Variants in ST8SIA1 observed in about 807,000 individuals in gnomAD.
The protein encoded by ST8SIA1 is ST8 alpha-N-acetyl-neuraminide alpha-2,8-sialyltransferase 1.
Under a neutral mutation model 35.9 loss-of-function variants are expected in ST8SIA1, and 16 were observed. The ratio of observed to expected loss-of-function variants is 0.45; its 90% CI spans 0.30 to 0.68. ST8SIA1 has a LOEUF of 0.68. Among genes scored for constraint, ST8SIA1 ranks in the 30% least tolerant of loss-of-function variants. ST8SIA1 has a pLI of 0.09. For synonymous variants in ST8SIA1, 170 were observed against 169.6 expected (o/e 1.00, Z -0.02); for missense variants, 383 against 453.6 (o/e 0.84, Z 1.41).
At chr12:22,208,388 T>C (rs1288474171) in intron 4 of ST8SIA1, among the ~76,000 whole-genome samples, 2 of 152,058 alleles carry the variant, frequency 1.3e-5, no homozygotes, top group East Asian at 1.9e-4. Flanking sequence ...TTGGAACCAA[T>C]AGAGTCTTAG....
At chr12:22,219,969 A>G (rs1865280025) in intron 4 of ST8SIA1, among the ~76,000 whole-genome samples, 1 of 152,228 alleles carries the variant, frequency 6.6e-6, no homozygotes, top group Admixed American at 6.5e-5. Flanking sequence ...GTACCAGAGT[A>G]TCATAACACT....
intron 4 of ST8SIA1, among the ~76,000 whole-genome samples, chr12:22,237,522 T>C (rs1865489135): frequency 6.6e-6 from 1 of 151,270 alleles, no homozygotes; most frequent in South Asian, 2.1e-4. Flanking sequence ...ATTTTATATA[T>C]TTACACATTT....
rs138331297 is a variant in ST8SIA1, at chr12:22,303,320, CT to C, written c.237-16028del. On this transcript the variant is annotated intron_variant, in intron 1 of 4. Coordinates refer to ENST00000396037, the MANE Select transcript of ST8SIA1 (RefSeq NM_003034.4). ...TAAAGTTTATATTGCCATACAACTC[CT>C]TTTTTTTTTTGGAATTTGGCTTGCT... 2.8e-3 allele frequency among the ~76,000 whole-genome samples: 414 copies of C among 146,936 alleles called. 1 individual carries two copies. Among genetic ancestry groups the C allele is most frequent in the Non-Finnish European group, 4.2e-3 (279 of 66,164 alleles).
At chr12:22,241,131 C>A (rs1865536478) in intron 4 of ST8SIA1, among the ~76,000 whole-genome samples, 2 of 152,016 alleles carry the variant, frequency 1.3e-5, no homozygotes, top group Non-Finnish European at 2.9e-5. Flanking sequence ...GTACCTGGGA[C>A]TACCAGAACA....
At chr12:22,244,043 T>C (rs937789376) in intron 4 of ST8SIA1, among the ~76,000 whole-genome samples, 11 of 144,686 alleles carry the variant, frequency 7.6e-5, no homozygotes, top group African/African-American at 1.5e-4. Context: ...AAAAAAAAAA[T>C]GTTTTTATCA....
At chr12:22,302,557 T>C (rs1456333395) in intron 1 of ST8SIA1, among the ~76,000 whole-genome samples, 2 of 152,156 alleles carry the variant, frequency 1.3e-5, no homozygotes, top group African/African-American at 4.8e-5. Flanking sequence ...CCTACCTATA[T>C]AGGAATAAAC....
intron 4 of ST8SIA1, among the ~76,000 whole-genome samples, chr12:22,237,043 CTCACAGG>C (rs1367168522): frequency 6.6e-6 from 1 of 152,194 alleles, no homozygotes; most frequent in Non-Finnish European, 1.5e-5. Context: ...GCCCCTCCAA[CTCACAGG>C]GCTGTGGTAT....
chr12:22,325,283 C>T (rs763723509), intron 1 of ST8SIA1: 16 of 579,068 alleles, frequency 2.8e-5, no homozygotes, highest in South Asian at 1.8e-4. Flanking sequence ...TGTAGTGGGA[C>T]GAAAGGCCCT....
chr12:22,249,909 C>T (rs1490273852), intron 3 of ST8SIA1, among the ~76,000 whole-genome samples: 2 of 152,120 alleles, frequency 1.3e-5, no homozygotes, highest in African/African-American at 2.4e-5. Flanking sequence ...TATAAGAGTG[C>T]ATTCAGGGCC....
intron 1 of ST8SIA1, among the ~76,000 whole-genome samples, chr12:22,310,621 CA>C (rs1157877978): frequency 2.0e-5 from 3 of 152,004 alleles, no homozygotes; most frequent in Admixed American, 1.3e-4. Flanking sequence ...ATGTTTAAGG[CA>C]AATACAAGTG....
At chr12:22,326,054 T>C (rs1382809651) in intron 1 of ST8SIA1, 1 of 454,534 alleles carries the variant, frequency 2.2e-6, no homozygotes, top group Non-Finnish European at 3.9e-6. Context: ...GGAATTTCCA[T>C]TTAATATTTT....
At chr12:22,267,221 A>G (rs1370048897) in intron 2 of ST8SIA1, among the ~76,000 whole-genome samples, 1 of 152,202 alleles carries the variant, frequency 6.6e-6, no homozygotes, top group South Asian at 2.1e-4. Context: ...ATAGTGTGCA[A>G]TTACTTAGTA....
At position 22,199,101 on chromosome 12, in the gene ST8SIA1, C is replaced by T. The variant is rs976151294; in HGVS notation, c.*2451G>A. 1 of 152,034 alleles carries T rather than the reference C, an allele frequency of 6.6e-6. No homozygotes were observed. Among genetic ancestry groups the T allele is most frequent in the African/African-American group, 2.4e-5 (1 of 41,390 alleles). The allele number at this position is 152,034 out of a possible 1,614,324, so 9.4% of individuals were successfully genotyped here. A position where few individuals can be genotyped will look rare whatever the true frequency, so the allele number is the denominator to read the frequency against. ...ATATAAATCTACTGCATAAATCTAT[C>T]CCAGGCATCATAAAAAGATGAAAAA... On this transcript the variant is annotated 3_prime_UTR_variant, in exon 5 of 5. Coordinates refer to ENST00000396037, the MANE Select transcript of ST8SIA1 (RefSeq NM_003034.4).
In ST8SIA1 at chr12:22,286,517, C is replaced by G. The variant is rs1162475048; in HGVS notation, c.381+632G>C. ...TGCCTAAGATCTCCCCTCCCCAAAA[C>G]TAGGGTTCCCTAAAATAAAATTTCC... On this transcript the variant is annotated intron_variant, in intron 2 of 4. Transcript: ENST00000396037. 3 of 518,242 alleles carry G rather than the reference C, an allele frequency of 5.8e-6. No homozygotes were observed. The East Asian group carries it at 1.6e-4, about 28-fold the overall frequency. The allele number at this position is 518,242 out of a possible 1,614,324, so 32.1% of individuals were successfully genotyped here.
At chr12:22,247,936 A>C (rs1865624290) in intron 4 of ST8SIA1, among the ~76,000 whole-genome samples, 1 of 152,130 alleles carries the variant, frequency 6.6e-6, no homozygotes, top group African/African-American at 2.4e-5. Context: ...AGTCAATACC[A>C]CTCAGCTCTT....
intron 1 of ST8SIA1, among the ~76,000 whole-genome samples, chr12:22,327,483 T>C (rs1222169952): frequency 6.6e-6 from 1 of 152,126 alleles, no homozygotes; most frequent in East Asian, 1.9e-4. Context: ...TTGGGGAAAA[T>C]GCCCCACGCA....
In ST8SIA1 at chr12:22,255,266, G is replaced by A. The variant is rs1420615583; in HGVS notation, c.491+14C>T. 1.2e-6 allele frequency: 2 copies of A among 1,607,994 alleles called. No individual in the cohort carries two copies. The highest frequency in any genetic ancestry group is 2.7e-5 in the African/African-American group (2 of 74,904). On this transcript the variant is annotated intron_variant, in intron 3 of 4. Transcript: ENST00000396037. ...AGAGAAGGCAGAGGCCGCGCTGTGG[G>A]TGCTCTCTCTTACCGCATGACAAAA...
At chr12:22,261,415 C>A (rs1183503144) in intron 2 of ST8SIA1, among the ~76,000 whole-genome samples, 3 of 152,206 alleles carry the variant, frequency 2.0e-5, no homozygotes, top group African/African-American at 7.2e-5. Flanking sequence ...AGGCGTGAGC[C>A]ACCATGCCCA....
Position 22,320,957 on chromosome 12 carries a change from GAGAAAGAA to G in ST8SIA1, c.236+13032_236+13039del, listed in dbSNP as rs1220446331. On this transcript the variant is annotated intron_variant, in intron 1 of 4. Transcript: ENST00000396037. ...AGAAAGAAAGAAAGAAAGAAAGAAA[GAGAAAGAA>G]AGAAAGAAAGAAAGAAAGAAAGAAA... Among the ~76,000 whole-genome samples, 521 of 82,938 alleles carry G rather than the reference GAGAAAGAA, an allele frequency of 6.3e-3. 6 individuals are homozygous for G. Among genetic ancestry groups the G allele is most frequent in the Middle Eastern group, 0.016 (3 of 184 alleles). The allele number at this position is 82,938 out of a possible 152,430, so 54.4% of individuals were successfully genotyped here. A position where few individuals can be genotyped will look rare whatever the true frequency, so the allele number is the denominator to read the frequency against.
Sources: gnomAD v4.1 joint callset for allele counts (sites outside exome capture counted in the v4.1 genomes callset) on GRCh38, gnomAD v4.1.1 for gene constraint, MANE v1.5 for transcripts, NCBI Gene and HGNC (gene_info 2026-07-23, HGNC 2026-07-21) for gene names.